Variants in SOD2 observed in about 807,000 individuals in gnomAD.
SOD2 encodes the protein superoxide dismutase [Mn], mitochondrial.
SOD2 carries 11 observed loss-of-function variants against 27.0 expected under a neutral mutation model. The observed-to-expected ratio is 0.41, with a 90% CI of 0.26 to 0.67. SOD2 has a LOEUF of 0.67. Among genes scored for constraint, SOD2 ranks in the 30% least tolerant of loss-of-function variants. SOD2 has a pLI of 0.34. For synonymous variants in SOD2, 105 were observed against 103.0 expected, an observed-to-expected ratio of 1.02 and a Z score of -0.12; for missense variants, 250 against 274.5, an observed-to-expected ratio of 0.91 and a Z score of 0.63.
At chr6:159,729,529 A>G (rs1778436717), upstream of SOD2, among the ~76,000 whole-genome samples, 2 of 152,192 alleles carry the variant, frequency 1.3e-5, no homozygotes, top group South Asian at 4.1e-4. Context: ...CTAAGTGCAC[A>G]TTGAAGTTGC....
At chr6:159,694,761 A>ATTTTTT (rs34851405), upstream of SOD2, among the ~76,000 whole-genome samples, 3 of 140,538 alleles carry the variant, frequency 2.1e-5, no homozygotes, top group Non-Finnish European at 4.6e-5. Context: ...ACGCCCCACT[A>ATTTTTT]TTTTTTTTTT....
chr6:159,712,090 A>G lies in SOD2; in HGVS notation c.-116+15039T>C, dbSNP rs1226282994. Among the ~76,000 whole-genome samples, 76 of 27,840 alleles carry G rather than the reference A, an allele frequency of 2.7e-3. 15 individuals are homozygous for G. The highest frequency in any genetic ancestry group is 8.0e-3 in the African/African-American group (76 of 9,478). The allele number at this position is 27,840 out of a possible 152,430, so 18.3% of individuals were successfully genotyped here. A position where few individuals can be genotyped will look rare whatever the true frequency, so the allele number is the denominator to read the frequency against. On this transcript the variant is annotated intron_variant, in intron 1 of 2. Coordinates refer to the SOD2 transcript ENST00000401980. Reference sequence around the variant, plus strand: ...CTCGGCTGCTCAGACCTCCATAACCACCTCCATAACCACCACTCAGCTGCT... The same window carrying G: ...CTCGGCTGCTCAGACCTCCATAACCGCCTCCATAACCACCACTCAGCTGCT...
chr6:159,708,277 G>A (rs910138795), intron 1 of SOD2, among the ~76,000 whole-genome samples: 24 of 152,192 alleles, frequency 1.6e-4, no homozygotes, highest in Admixed American at 3.9e-4. Context: ...AGGGCCATCA[G>A]GCAGGAGAAA....
At chr6:159,708,737 A>C (rs1029723636) in intron 1 of SOD2, among the ~76,000 whole-genome samples, 7 of 152,176 alleles carry the variant, frequency 4.6e-5, no homozygotes, top group African/African-American at 7.2e-5. Flanking sequence ...TCAAGCTACC[A>C]ATGACTTTCT....
Position 159,727,200 on chromosome 6 carries a change from G to A in SOD2, c.-187C>T. 2.4e-6 allele frequency: 3 copies of A among 1,237,966 alleles called. No individual in the cohort carries two copies. In the South Asian group the frequency reaches 4.0e-5, roughly 17 times the overall value. 76.7% of individuals were successfully genotyped at this position (1,237,966 alleles called of 1,614,324 possible). A position where few individuals can be genotyped will look rare whatever the true frequency, so the allele number is the denominator to read the frequency against. On this transcript the variant is annotated 5_prime_UTR_variant, in exon 1 of 3. Transcript: ENST00000401980. ...GGGAAAGGACGGGGAGTGTTACCGGGGAGCAGCTGCTCCATTGTGCCTCGA... is the reference window on the plus strand; with the variant it reads ...GGGAAAGGACGGGGAGTGTTACCGGAGAGCAGCTGCTCCATTGTGCCTCGA...
chr6:159,682,484 G>C lies in SOD2; in HGVS notation c.*9C>G. On this transcript the variant is annotated 3_prime_UTR_variant, in exon 5 of 5. Transcript: ENST00000538183. ...AAGAGCTTAACATACTCAGCATAACGATCGTGGTTTACTTTTTGCAAGCCA... is the reference window on the plus strand; with the variant it reads ...AAGAGCTTAACATACTCAGCATAACCATCGTGGTTTACTTTTTGCAAGCCA... 1 of 1,612,236 alleles carries C rather than the reference G, an allele frequency of 6.2e-7. No individual in the cohort carries two copies. The highest frequency in any genetic ancestry group is 8.5e-7 in the Non-Finnish European group (1 of 1,179,010).
rs5746147 is a variant in SOD2 at position 159,680,746 on chromosome 6, G to A, written c.*1747C>T. The A allele has an allele frequency of 0.22, 33,757 of 151,804 alleles. 3,987 individuals are homozygous for A. The highest frequency in any genetic ancestry group is 0.4 in the East Asian group (2,053 of 5,134). 9.4% of individuals were successfully genotyped at this position (151,804 alleles called of 1,614,324 possible). ...AGGTCAGGAGTTCGAGACCACCCTG[G>A]CCAACATGGTGAAACCCTGTCTCTG... On this transcript the variant is annotated 3_prime_UTR_variant, in exon 5 of 5. Coordinates refer to ENST00000538183, the MANE Select transcript of SOD2 (RefSeq NM_000636.4).
At chr6:159,739,623 C>G (rs1779122470) in intron 1 of SOD2, among the ~76,000 whole-genome samples, 1 of 152,040 alleles carries the variant, frequency 6.6e-6, no homozygotes, top group African/African-American at 2.4e-5. Context: ...TAAATATATT[C>G]TTTCTGTATT....
intron 1 of SOD2, chr6:159,756,342 G>A (rs759623497): frequency 2.0e-5 from 3 of 152,102 alleles, no homozygotes; most frequent in Non-Finnish European, 4.4e-5. Flanking sequence ...TTTTGTTTTG[G>A]GTGTATGTTT....
chr6:159,689,547 T>C (rs935512114), intron 2 of SOD2, among the ~76,000 whole-genome samples: 6 of 152,210 alleles, frequency 3.9e-5, no homozygotes, highest in African/African-American at 1.2e-4. Context: ...GTGCATATTA[T>C]CCACAAGATA....
chr6:159,754,493 A>G (rs1779932160), intron 1 of SOD2, among the ~76,000 whole-genome samples: 1 of 152,200 alleles, frequency 6.6e-6, no homozygotes, highest in Non-Finnish European at 1.5e-5. Flanking sequence ...AAGATGGATC[A>G]AAACAATTTT....
chr6:159,735,560 C>T (rs1273886719), intron 1 of SOD2, among the ~76,000 whole-genome samples: 1 of 152,108 alleles, frequency 6.6e-6, no homozygotes, highest in Admixed American at 6.5e-5. Flanking sequence ...ACCAGCCTGA[C>T]CAACACGGTG....
At chr6:159,755,751 T>TCA in intron 1 of SOD2, 1 of 1,067,308 alleles carries the variant, frequency 9.4e-7, no homozygotes, top group Non-Finnish European at 1.2e-6. Flanking sequence ...TTTTCTTTGT[T>TCA]TTTTTTTTCT....
chr6:159,753,429 A>G (rs1046094257), intron 1 of SOD2: 3 of 1,614,070 alleles, frequency 1.9e-6, no homozygotes, highest in Middle Eastern at 3.3e-4. Context: ...TTTTGTCTTC[A>G]TTTTGTGATG....
chr6:159,753,484 G>A (rs758355370), intron 1 of SOD2: 8 of 1,614,072 alleles, frequency 5.0e-6, no homozygotes, highest in Middle Eastern at 1.6e-4. Flanking sequence ...AGTTAATGGC[G>A]AAGTGTCGAA....
At position 159,674,670 on chromosome 6, in the gene SOD2, C is replaced by A. The variant is rs1435015581; in HGVS notation, c.*7823G>T. 1.3e-5 allele frequency: 2 copies of A among 152,164 alleles called. No individual in the cohort carries two copies. Among genetic ancestry groups the A allele is most frequent in the African/African-American group, 2.4e-5 (1 of 41,428 alleles). 9.4% of individuals were successfully genotyped at this position (152,164 alleles called of 1,614,324 possible). A position where few individuals can be genotyped will look rare whatever the true frequency, so the allele number is the denominator to read the frequency against. On this transcript the variant is annotated 3_prime_UTR_variant, in exon 5 of 5. Coordinates refer to ENST00000538183, the MANE Select transcript of SOD2 (RefSeq NM_000636.4). Reference sequence around the variant, plus strand: ...GAATGGGCAAAAACTGGAAGCATTCCCTTTGAAAACTGGCACAAGACAGGG... The same window carrying A: ...GAATGGGCAAAAACTGGAAGCATTCACTTTGAAAACTGGCACAAGACAGGG...
At chr6:159,729,258 A>G (rs1408510195), upstream of SOD2, among the ~76,000 whole-genome samples, 1 of 152,224 alleles carries the variant, frequency 6.6e-6, no homozygotes, top group Admixed American at 6.5e-5. Context: ...GTTAGTTAGT[A>G]GGTCCTTCAG....
exon 1 of SOD2, chr6:159,761,339 A>C (rs1270281402): frequency 3.3e-6 from 1 of 305,150 alleles, no homozygotes; most frequent in Non-Finnish European, 6.6e-6. Context: ...AACAAAACTG[A>C]CCCCACTTGT....
chr6:159,760,665 G>C (rs1188120769), intron 1 of SOD2: 1 of 152,274 alleles, frequency 6.6e-6, no homozygotes, highest in African/African-American at 2.4e-5. Context: ...TACAGGTGGT[G>C]ATTGATGCCG....
Sources: allele counts gnomAD v4.1 joint callset (sites outside exome capture counted in the v4.1 genomes callset), GRCh38; gene constraint gnomAD v4.1.1; transcripts MANE v1.5; gene names NCBI Gene and HGNC (gene_info 2026-07-23, HGNC 2026-07-21).